RNF220: variants seen among roughly 807,000 people sequenced by gnomAD.
The protein encoded by RNF220 is ring finger protein 220.
Under a neutral mutation model 67.1 loss-of-function variants are expected in RNF220, and 7 were observed. That is an observed-to-expected ratio of 0.10 (90% CI 0.06 to 0.20). The LOEUF (loss-of-function observed/expected upper bound fraction) is 0.20. Ranked by LOEUF, RNF220 falls within the 10% of genes least tolerant of loss-of-function variation. The pLI is 1.00. For missense variants in RNF220, 565 were observed against 740.3 expected, an observed-to-expected ratio of 0.76 and a Z score of 2.75; for synonymous variants, 270 against 283.2, an observed-to-expected ratio of 0.95 and a Z score of 0.47.
intron 4 of RNF220, among the ~76,000 whole-genome samples, chr1:44,625,331 C>G (rs1345123014): frequency 6.6e-6 from 1 of 152,222 alleles, no homozygotes; most frequent in African/African-American, 2.4e-5. Context: ...GGAGCCCTGC[C>G]AGACCAGCAG....
intron 3 of RNF220, among the ~76,000 whole-genome samples, chr1:44,615,486 C>T (rs577146372): frequency 1.1e-4 from 16 of 152,172 alleles, no homozygotes; most frequent in African/African-American, 2.2e-4. Context: ...CCTCCCAGTC[C>T]GACCCTTATT....
At chr1:44,566,898 C>T (rs1326248749) in intron 2 of RNF220, among the ~76,000 whole-genome samples, 1 of 152,208 alleles carries the variant, frequency 6.6e-6, no homozygotes, top group Non-Finnish European at 1.5e-5. Flanking sequence ...ATCCCATCCC[C>T]CTGTGGTTTT....
intron 2 of RNF220, among the ~76,000 whole-genome samples, chr1:44,424,965 G>T (rs1267186232): frequency 1.3e-5 from 2 of 152,234 alleles, no homozygotes; most frequent in Non-Finnish European, 2.9e-5. Context: ...AGCCTCCTCT[G>T]TCCTCTTCCG....
intron 2 of RNF220, among the ~76,000 whole-genome samples, chr1:44,456,354 A>G (rs1327860314): frequency 2.0e-5 from 3 of 152,238 alleles, no homozygotes; most frequent in East Asian, 3.8e-4. Context: ...TGGCTTTCAC[A>G]TTACATTAAC....
At chr1:44,601,810 T>C (rs1666943089) in intron 2 of RNF220, among the ~76,000 whole-genome samples, 1 of 152,258 alleles carries the variant, frequency 6.6e-6, no homozygotes, top group Admixed American at 6.5e-5. Flanking sequence ...GGTGCTGAGA[T>C]TGGAAACTGT....
intron 2 of RNF220, among the ~76,000 whole-genome samples, chr1:44,482,731 C>T (rs1373814588): frequency 4.6e-5 from 7 of 151,980 alleles, no homozygotes; most frequent in South Asian, 2.1e-4. Context: ...CAGTGATTCT[C>T]GTGCCTCAGC....
chr1:44,535,716 C>T (rs1352555310), intron 2 of RNF220, among the ~76,000 whole-genome samples: 9 of 152,178 alleles, frequency 5.9e-5, no homozygotes, highest in African/African-American at 1.7e-4. Flanking sequence ...CATCCTTCTG[C>T]GCAGCTCCTG....
At chr1:44,605,662 G>A (rs924596562) in intron 2 of RNF220, among the ~76,000 whole-genome samples, 3 of 152,152 alleles carry the variant, frequency 2.0e-5, no homozygotes, top group Middle Eastern at 3.2e-3. Flanking sequence ...AGCACAAGAG[G>A]CTTCGGGAAC....
At chr1:44,640,877 C>T (rs1453049948) in intron 8 of RNF220, among the ~76,000 whole-genome samples, 2 of 152,186 alleles carry the variant, frequency 1.3e-5, no homozygotes, top group East Asian at 3.8e-4. Context: ...CTGGAGGGCC[C>T]CGAGACGTTT....
chr1:44,635,924 C>T, intron 7 of RNF220, 106 bp from the exon 8 acceptor site: 17 of 1,560,942 alleles, frequency 1.1e-5, no homozygotes, highest in Non-Finnish European at 1.5e-5. Context: ...GCTGAGGGCC[C>T]ACTTGGCACA....
At chr1:44,476,863 TAGC>T (rs1249444451) in intron 2 of RNF220, among the ~76,000 whole-genome samples, 1 of 152,136 alleles carries the variant, frequency 6.6e-6, no homozygotes, top group Non-Finnish European at 1.5e-5. Context: ...GCTCTGGCCT[TAGC>T]AGAAACAGCA....
chr1:44,485,013 C>T (rs1015486109), intron 2 of RNF220, among the ~76,000 whole-genome samples: 4 of 152,112 alleles, frequency 2.6e-5, no homozygotes, highest in Non-Finnish European at 4.4e-5. Flanking sequence ...CATGGTGGCA[C>T]GTGCCTGTAG....
rs542293056 is a variant in RNF220, at chr1:44,412,753, C to T, written c.625+31C>T. ...TACTTTGGTTCCAGCCCTCCCTTAC[C>T]CCCAGTAAGCCCTGCCTCACCGTGA... On this transcript the variant is annotated intron_variant, in intron 2 of 14. Coordinates refer to ENST00000361799, the MANE Select transcript of RNF220 (RefSeq NM_018150.4). This position sits in a 1 kb window ranked among gnomAD's most constrained non-coding sequence, Gnocchi z 5.3. The T allele has an allele frequency of 1.2e-4, 192 of 1,589,892 alleles. 2 individuals carry two copies. The South Asian group carries it at 2.0e-3, about 16-fold the overall frequency.
chr1:44,547,009 A>G (rs191866797), intron 2 of RNF220, among the ~76,000 whole-genome samples: 2 of 152,340 alleles, frequency 1.3e-5, no homozygotes, highest in Admixed American at 1.3e-4. Flanking sequence ...GAAAGAAGGG[A>G]GAAGAAAACC....
At position 44,595,954 on chromosome 1, in the gene RNF220, C is replaced by T. The variant is rs1031562423; in HGVS notation, c.626-18211C>T. 2.6e-5 allele frequency among the ~76,000 whole-genome samples: 4 copies of T among 151,824 alleles called. No individual in the cohort carries two copies. In the South Asian group the frequency reaches 6.2e-4, roughly 24 times the overall value. The stretch of plus-strand genomic sequence containing the variant: ...AATTTTTTTGTATTTTTAGTAGAGA[C>T]GGGGTTTTGCCGTGTTAGCCAGGAT... On this transcript the variant is annotated intron_variant, in intron 2 of 14. Coordinates refer to ENST00000361799, the MANE Select transcript of RNF220 (RefSeq NM_018150.4).
Position 44,405,959 on chromosome 1 carries a change from C to T in RNF220, c.-118+429C>T, listed in dbSNP as rs1647287208. Among the ~76,000 whole-genome samples the T allele has an allele frequency of 2.6e-5, 4 of 152,338 alleles. No homozygotes were observed. The South Asian group carries it at 8.3e-4, about 32-fold the overall frequency. ...CGGGTCGATATCGAGAATGCCTTCTCGCCGGGCTCTCTGGTGCACCCCCCG... is the reference window on the plus strand; with the variant it reads ...CGGGTCGATATCGAGAATGCCTTCTTGCCGGGCTCTCTGGTGCACCCCCCG... On this transcript the variant is annotated intron_variant, in intron 1 of 14. Transcript: ENST00000361799.
chr1:44,589,801 T>C (rs931427518), intron 2 of RNF220, among the ~76,000 whole-genome samples: 3 of 152,122 alleles, frequency 2.0e-5, no homozygotes, highest in Admixed American at 2.0e-4. Context: ...CAATAGTTAA[T>C]TTAATATATG....
intron 2 of RNF220, among the ~76,000 whole-genome samples, chr1:44,549,582 C>T (rs1202285741): frequency 2.0e-5 from 3 of 152,212 alleles, no homozygotes; most frequent in Non-Finnish European, 4.4e-5. Context: ...CCAGCGTGAT[C>T]AGCCTGATGT....
At chr1:44,451,288 A>G (rs1265970023) in intron 2 of RNF220, among the ~76,000 whole-genome samples, 1 of 152,208 alleles carries the variant, frequency 6.6e-6, no homozygotes, top group Non-Finnish European at 1.5e-5. Flanking sequence ...CATCTCACCA[A>G]CACTGGATAT....
Sources: gnomAD v4.1 joint callset for allele counts (sites outside exome capture counted in the v4.1 genomes callset) on GRCh38, gnomAD v4.1.1 for gene constraint, Gnocchi (gnomAD v3.1) non-coding constraint, MANE v1.5 for transcripts, NCBI Gene and HGNC (gene_info 2026-07-23, HGNC 2026-07-21) for gene names.